The following PARD3 variants were observed in gnomAD, a reference collection of about 807,000 sequenced individuals.
The protein encoded by PARD3 is partitioning defective 3 homolog.
PARD3 carries 75 observed loss-of-function variants against 155.4 expected under a neutral mutation model. That is an observed-to-expected ratio of 0.48 (90% confidence interval 0.40 to 0.58). The LOEUF is 0.58. PARD3 is among the 20% of genes least tolerant of loss of function. The pLI, the probability that PARD3 is intolerant of heterozygous loss-of-function variation, is 0.00. For missense variants in PARD3, 1,642 were observed against 1,721.7 expected (o/e 0.95, Z 0.82); for synonymous variants, 576 against 610.5 (o/e 0.94, Z 0.83).
At chr10:34,623,239 C>T (rs2091798187) in intron 2 of PARD3, among the ~76,000 whole-genome samples, 1 of 152,172 alleles carries the variant, frequency 6.6e-6, no homozygotes. Context: ...GGAACACCAC[C>T]GAAGGCTGTT....
rs568672135 is a variant in PARD3, at chr10:34,662,871, G to GAAAAAAAA, written c.222+33439_222+33446dup. Among the ~76,000 whole-genome samples, 803 of 123,490 alleles carry GAAAAAAAA rather than the reference G, an allele frequency of 6.5e-3. 12 individuals carry two copies. Among genetic ancestry groups the GAAAAAAAA allele is most frequent in the African/African-American group, 0.023 (767 of 32,884 alleles). The allele number at this position is 123,490 out of a possible 152,430, so 81.0% of individuals were successfully genotyped here. A position where few individuals can be genotyped will look rare whatever the true frequency, so the allele number is the denominator to read the frequency against. ...TGGGTGACAGTGAGAAACTGTCTCA[G>GAAAAAAAA]AAAAAAAAAAAAAAAGAATCAAACT... On this transcript the variant is annotated intron_variant, in intron 2 of 24. Coordinates refer to ENST00000374788, the MANE Select transcript of PARD3 (RefSeq NM_001184785.2).
chr10:34,758,713 C>T (rs1268129940), intron 1 of PARD3, among the ~76,000 whole-genome samples: 1 of 152,104 alleles, frequency 6.6e-6, no homozygotes, highest in Non-Finnish European at 1.5e-5. Flanking sequence ...TTTACTCATT[C>T]ACAGAAGAAA....
At chr10:34,580,780 C>T (rs2087371772) in intron 2 of PARD3, among the ~76,000 whole-genome samples, 1 of 152,140 alleles carries the variant, frequency 6.6e-6, no homozygotes, top group South Asian at 2.1e-4. Context: ...ATTACAATAG[C>T]AGGGCCACTT....
At chr10:34,411,729 T>C (rs902044247) in intron 5 of PARD3, among the ~76,000 whole-genome samples, 2 of 124,694 alleles carry the variant, frequency 1.6e-5, no homozygotes, top group Non-Finnish European at 3.4e-5. Context: ...AAGACATACA[T>C]ATCTAGATAG....
chr10:34,565,497 C>G (rs2085857919), intron 2 of PARD3, among the ~76,000 whole-genome samples: 1 of 151,910 alleles, frequency 6.6e-6, no homozygotes, highest in Non-Finnish European at 1.5e-5. Context: ...GAACTCCTGA[C>G]CTCAAGTGAT....
chr10:34,555,317 T>C (rs184178667), intron 2 of PARD3, among the ~76,000 whole-genome samples: 82 of 152,296 alleles, frequency 5.4e-4, no homozygotes, highest in African/African-American at 1.7e-3. Context: ...CCTTTGAATG[T>C]TACCTTTAAA....
At chr10:34,323,718 A>T (rs1958514943) in intron 19 of PARD3, among the ~76,000 whole-genome samples, 1 of 152,216 alleles carries the variant, frequency 6.6e-6, no homozygotes. Context: ...GAAGCAGGTA[A>T]AATGCTCCCA....
intron 22 of PARD3, among the ~76,000 whole-genome samples, chr10:34,165,294 T>C (rs1949477122): frequency 6.6e-6 from 1 of 152,182 alleles, no homozygotes; most frequent in African/African-American, 2.4e-5. Context: ...TTCAGTAGTG[T>C]CTGCTGAGCT....
chr10:34,220,306 C>T (rs1393450717), intron 22 of PARD3, among the ~76,000 whole-genome samples: 2 of 152,186 alleles, frequency 1.3e-5, no homozygotes, highest in East Asian at 1.9e-4. Flanking sequence ...AAATATGAAG[C>T]TTCTGATAGC....
At chr10:34,630,460 T>A (rs1436993210) in intron 2 of PARD3, among the ~76,000 whole-genome samples, 1 of 150,848 alleles carries the variant, frequency 6.6e-6, no homozygotes, top group Non-Finnish European at 1.5e-5. Flanking sequence ...TTTTTTTTTT[T>A]CTTCCGGAGA....
intron 3 of PARD3, among the ~76,000 whole-genome samples, chr10:34,493,609 G>A (rs902706178): frequency 6.6e-5 from 10 of 151,904 alleles, no homozygotes; most frequent in Non-Finnish European, 1.2e-4. Flanking sequence ...ACAGGCACCT[G>A]TAATTCCAGC....
rs16935442 is a variant in PARD3, at chr10:34,479,509, G to A, written c.404-9246C>T. 5.9e-3 allele frequency among the ~76,000 whole-genome samples: 905 copies of A among 152,188 alleles called. 9 individuals carry two copies. The highest frequency in any genetic ancestry group is 0.021 in the African/African-American group (868 of 41,536). On this transcript the variant is annotated intron_variant, in intron 3 of 24. Transcript: ENST00000374788. ...GCACAAAGAGTTAAACAAAATCCCAGTTGCAAATTCTCAATGTCAAGGCCT... is the reference window on the plus strand; with the variant it reads ...GCACAAAGAGTTAAACAAAATCCCAATTGCAAATTCTCAATGTCAAGGCCT...
chr10:34,808,840 C>T (rs561720716), intron 1 of PARD3, among the ~76,000 whole-genome samples: 29 of 150,538 alleles, frequency 1.9e-4, no homozygotes, highest in African/African-American at 7.0e-4. Flanking sequence ...GCTTCACATC[C>T]GCCAGATTCT....
intron 17 of PARD3, among the ~76,000 whole-genome samples, chr10:34,336,687 T>C (rs767308762): frequency 1.1e-4 from 16 of 152,266 alleles, no homozygotes; most frequent in Non-Finnish European, 1.6e-4. Flanking sequence ...ACCTGATTGG[T>C]GTTTGAACAA....
At chr10:34,636,785 C>T (rs985223909) in intron 2 of PARD3, among the ~76,000 whole-genome samples, 2 of 152,146 alleles carry the variant, frequency 1.3e-5, no homozygotes, top group African/African-American at 4.8e-5. Context: ...GACCCGATGC[C>T]GTGACGGGCA....
intron 22 of PARD3, among the ~76,000 whole-genome samples, chr10:34,194,215 T>C (rs951995556): frequency 6.6e-6 from 1 of 152,130 alleles, no homozygotes; most frequent in Non-Finnish European, 1.5e-5. Flanking sequence ...AAAATTTGAG[T>C]TGTGACATTC....
intron 20 of PARD3, among the ~76,000 whole-genome samples, chr10:34,287,620 T>C (rs1956462407): frequency 6.6e-6 from 1 of 152,256 alleles, no homozygotes; most frequent in Non-Finnish European, 1.5e-5. Context: ...GTTAATTAGC[T>C]ATGTTAAAAT....
intron 1 of PARD3, among the ~76,000 whole-genome samples, chr10:34,706,479 G>C (rs2094363854): frequency 6.6e-6 from 1 of 152,184 alleles, no homozygotes. Context: ...AGGCGTGGTG[G>C]CCCACACCTG....
intron 22 of PARD3, among the ~76,000 whole-genome samples, chr10:34,160,884 T>C (rs1345361055): frequency 6.6e-6 from 1 of 152,130 alleles, no homozygotes; most frequent in Non-Finnish European, 1.5e-5. Context: ...TGAGGGAGCA[T>C]GCAGAGGAAG....
Sources: allele counts gnomAD v4.1 joint callset (sites outside exome capture counted in the v4.1 genomes callset), GRCh38; gene constraint gnomAD v4.1.1; transcripts MANE v1.5; gene names NCBI Gene and HGNC (gene_info 2026-07-23, HGNC 2026-07-21).